EYA1: variants seen among roughly 807,000 people sequenced by gnomAD.
EYA1 encodes the protein EYA transcriptional coactivator and phosphatase 1.
EYA1 carries 16 observed loss-of-function variants against 82.0 expected under a neutral mutation model. The observed-to-expected ratio is 0.20, with a 90% CI of 0.13 to 0.30. The LOEUF (loss-of-function observed/expected upper bound fraction) is 0.30, where lower values mean the gene tolerates loss of function less well. Among genes scored for constraint, EYA1 ranks in the 10% least tolerant of loss-of-function variants. The pLI is 1.00. For missense variants in EYA1, 633 were observed against 730.7 expected (o/e 0.87, Z 1.54); for synonymous variants, 261 against 264.4 (o/e 0.99, Z 0.12).
chr8:71,521,772 T>C (rs958587959), intron 2 of EYA1, among the ~76,000 whole-genome samples: 1 of 152,192 alleles, frequency 6.6e-6, no homozygotes, highest in African/African-American at 2.4e-5. Flanking sequence ...GACTCTGTTA[T>C]ACTTTTCTCT....
intron 11 of EYA1, among the ~76,000 whole-genome samples, chr8:71,248,561 G>A (rs1243573853): frequency 1.3e-5 from 2 of 152,138 alleles, no homozygotes; most frequent in South Asian, 2.1e-4. Context: ...AACAGAGCAC[G>A]GAGTTCCTAG....
At chr8:71,369,446 T>G (rs1381327901) in intron 2 of EYA1, among the ~76,000 whole-genome samples, 1 of 152,200 alleles carries the variant, frequency 6.6e-6, no homozygotes, top group Non-Finnish European at 1.5e-5. Flanking sequence ...GCTTTCTCTA[T>G]GTCTTCTGTT....
At chr8:71,399,345 C>T (rs907779714) in intron 2 of EYA1, among the ~76,000 whole-genome samples, 3 of 152,158 alleles carry the variant, frequency 2.0e-5, no homozygotes, top group African/African-American at 7.2e-5. Context: ...GGAAATCACC[C>T]GTCTTCTGCA....
Position 71,199,128 on chromosome 8 carries a change from C to T in EYA1, c.*212G>A, listed in dbSNP as rs377366578. On this transcript the variant is annotated 3_prime_UTR_variant, in exon 18 of 18. Coordinates refer to ENST00000340726, the MANE Select transcript of EYA1 (RefSeq NM_000503.6). The stretch of plus-strand genomic sequence containing the variant: ...AAAACATTCTCATGGCTTATTTTCA[C>T]TGGATTCACAGTACTAGAGTCAACA... 9 of 616,962 alleles carry T rather than the reference C, an allele frequency of 1.5e-5. No individual in the cohort carries two copies. In the African/African-American group the frequency reaches 1.6e-4, roughly 11 times the overall value. 38.2% of individuals were successfully genotyped at this position (616,962 alleles called of 1,614,324 possible).
intron 2 of EYA1, among the ~76,000 whole-genome samples, chr8:71,398,805 C>A (rs1829782203): frequency 6.6e-6 from 1 of 152,206 alleles, no homozygotes; most frequent in African/African-American, 2.4e-5. Context: ...CTGGGAGAAC[C>A]ACTACTCTCT....
At chr8:71,384,476 T>TAAGGTA (rs1259446324) in intron 2 of EYA1, among the ~76,000 whole-genome samples, 7 of 152,250 alleles carry the variant, frequency 4.6e-5, no homozygotes, top group African/African-American at 1.7e-4. Context: ...AAGCCCTTTG[T>TAAGGTA]TTGTACAGTA....
chr8:71,540,805 A>G (rs1411558514), intron 1 of EYA1, among the ~76,000 whole-genome samples: 1 of 152,158 alleles, frequency 6.6e-6, no homozygotes, highest in Non-Finnish European at 1.5e-5. Context: ...CCTTCTCACC[A>G]AGTGTTGAGT....
intron 9 of EYA1, among the ~76,000 whole-genome samples, chr8:71,280,510 C>T (rs1418814612): frequency 1.3e-5 from 2 of 152,188 alleles, no homozygotes; most frequent in Non-Finnish European, 2.9e-5. Context: ...GAGGGAAGGG[C>T]TGGCCAAGGT....
At chr8:71,516,189 T>C (rs1812965565) in intron 2 of EYA1, among the ~76,000 whole-genome samples, 1 of 152,182 alleles carries the variant, frequency 6.6e-6, no homozygotes, top group South Asian at 2.1e-4. Flanking sequence ...TATTCTTTCA[T>C]TCATTTATTC....
At chr8:71,461,045 T>G (rs936341151) in intron 2 of EYA1, among the ~76,000 whole-genome samples, 1 of 152,276 alleles carries the variant, frequency 6.6e-6, no homozygotes, top group Admixed American at 6.5e-5. Context: ...AAGTATAATG[T>G]TGACCAGCAC....
chr8:71,456,826 A>AGG (rs1354540557), intron 2 of EYA1, among the ~76,000 whole-genome samples: 3 of 152,148 alleles, frequency 2.0e-5, no homozygotes, highest in Non-Finnish European at 4.4e-5. Flanking sequence ...AACCTAGGCA[A>AGG]TACCATTCAG....
intron 5 of EYA1, 21 bp downstream of exon 5, chr8:71,322,178 T>C: frequency 1.9e-6 from 3 of 1,595,772 alleles, no homozygotes; most frequent in Non-Finnish European, 2.6e-6. Flanking sequence ...TATTTATTGA[T>C]TAAGAGAAAA....
At chr8:71,466,804 T>C (rs888155342) in intron 2 of EYA1, among the ~76,000 whole-genome samples, 5 of 152,116 alleles carry the variant, frequency 3.3e-5, no homozygotes, top group African/African-American at 9.7e-5. Context: ...AAAAGAGAAC[T>C]CCTGAAAGTT....
intron 14 of EYA1, 68 bp from the exon 15 acceptor site, chr8:71,215,796 TA>T: frequency 9.4e-7 from 1 of 1,067,228 alleles, no homozygotes; most frequent in Non-Finnish European, 1.4e-6. Flanking sequence ...TGCAAGTAAT[TA>T]ACATTTAAAA....
intron 11 of EYA1, among the ~76,000 whole-genome samples, chr8:71,261,888 T>A (rs998565117): frequency 1.3e-5 from 2 of 152,208 alleles, no homozygotes; most frequent in African/African-American, 4.8e-5. Context: ...TTCCAGCCAC[T>A]TTTTAGGCCT....
chr8:71,431,247 C>T (rs1247479505), intron 2 of EYA1, among the ~76,000 whole-genome samples: 1 of 152,172 alleles, frequency 6.6e-6, no homozygotes, highest in Non-Finnish European at 1.5e-5. Context: ...GAAGAGTAAT[C>T]TCTCTGTCTC....
chr8:71,530,619 C>T (rs927235158), intron 2 of EYA1, among the ~76,000 whole-genome samples: 4 of 152,170 alleles, frequency 2.6e-5, no homozygotes, highest in Non-Finnish European at 5.9e-5. Context: ...TTCACTTCTA[C>T]ATGTGTATTA....
intron 2 of EYA1, among the ~76,000 whole-genome samples, chr8:71,442,403 C>T (rs375651907): frequency 6.6e-6 from 1 of 152,164 alleles, no homozygotes; most frequent in South Asian, 2.1e-4. Context: ...TTTGTATATG[C>T]TGTCATAACA....
At chr8:71,295,412 A>G (rs564038895) in intron 9 of EYA1, among the ~76,000 whole-genome samples, 9 of 152,326 alleles carry the variant, frequency 5.9e-5, no homozygotes, top group African/African-American at 2.2e-4. Flanking sequence ...AGAAGTGGGC[A>G]AAATATCTCT....
Sources: allele counts gnomAD v4.1 joint callset (sites outside exome capture counted in the v4.1 genomes callset), GRCh38; gene constraint gnomAD v4.1.1; transcripts MANE v1.5; gene names NCBI Gene and HGNC (gene_info 2026-07-23, HGNC 2026-07-21).